Variants in SCHIP1 observed in about 807,000 individuals in gnomAD.
The protein encoded by SCHIP1 is schwannomin interacting protein 1, also known as schwannomin-interacting protein 1.
In SCHIP1, 8 loss-of-function variants were observed where a neutral mutation model predicts 29.7. That is an observed-to-expected ratio of 0.27 (90% CI 0.16 to 0.49). The LOEUF (loss-of-function observed/expected upper bound fraction) is 0.49, where lower values mean the gene tolerates loss of function less well. SCHIP1 is among the 20% of genes least tolerant of loss of function. SCHIP1 has a pLI of 0.99. For synonymous variants in SCHIP1, 76 were observed against 94.9 expected (o/e 0.80, Z 1.16); for missense variants, 193 against 294.6 (o/e 0.66, Z 2.52).
chr3:159,299,381 A>G, the SCHIP1 span, among the ~76,000 whole-genome samples: 3 of 152,150 alleles, frequency 2.0e-5, no homozygotes, highest in Non-Finnish European at 4.4e-5. Context: ...TGCTGGTTTG[A>G]GTAATGGAAT....
chr3:159,764,788 A>G, the SCHIP1 span: 1,429 of 1,566,200 alleles, frequency 9.1e-4, 2 homozygotes, highest in Non-Finnish European at 1.2e-3. This position sits in a 1 kb window ranked among gnomAD's most constrained non-coding sequence, Gnocchi z 6.1. Flanking sequence ...CGGCGGGGGC[A>G]GGAGCGCCAC....
chr3:159,372,310 C>T, the SCHIP1 span, among the ~76,000 whole-genome samples: 2 of 151,954 alleles, frequency 1.3e-5, no homozygotes, highest in East Asian at 1.9e-4. Context: ...AAAATAAAGA[C>T]CTTCAATTTC....
At chr3:159,484,065 C>T in the SCHIP1 span, among the ~76,000 whole-genome samples, 1 of 152,156 alleles carries the variant, frequency 6.6e-6, no homozygotes, top group African/African-American at 2.4e-5. Flanking sequence ...AGAGGCATTG[C>T]TTTCTCCTGC....
chr3:159,532,737 T>C, the SCHIP1 span, among the ~76,000 whole-genome samples: 4 of 152,276 alleles, frequency 2.6e-5, no homozygotes, highest in East Asian at 7.7e-4. Flanking sequence ...ACACTGCCTA[T>C]AGGAAATGCC....
the SCHIP1 span, among the ~76,000 whole-genome samples, chr3:159,662,026 C>T: frequency 2.6e-5 from 4 of 152,210 alleles, no homozygotes; most frequent in Non-Finnish European, 5.9e-5. Context: ...CCTGCTCCAT[C>T]CTGACTCATC....
At chr3:159,315,603 A>G in the SCHIP1 span, among the ~76,000 whole-genome samples, 1,308 of 152,160 alleles carry the variant, frequency 8.6e-3, 65 homozygotes, top group East Asian at 0.16. Flanking sequence ...TATATACTTT[A>G]TCATTTTAGA....
chr3:159,702,415 A>G, the SCHIP1 span, among the ~76,000 whole-genome samples: 2 of 152,222 alleles, frequency 1.3e-5, no homozygotes, highest in Non-Finnish European at 2.9e-5. Flanking sequence ...TAATATTCCT[A>G]ATACCCCAAG....
the SCHIP1 span, among the ~76,000 whole-genome samples, chr3:159,449,801 A>T: frequency 1.7e-3 from 254 of 152,302 alleles, 1 homozygote; most frequent in African/African-American, 5.6e-3. Context: ...TTGAACTTCA[A>T]TTTCCAAGTC....
chr3:159,697,936 A>C, the SCHIP1 span, among the ~76,000 whole-genome samples: 1 of 152,258 alleles, frequency 6.6e-6, no homozygotes, highest in South Asian at 2.1e-4. Context: ...TTGTCTATGC[A>C]TAATAATTAG....
chr3:159,487,191 A>G, the SCHIP1 span, among the ~76,000 whole-genome samples: 3 of 152,302 alleles, frequency 2.0e-5, no homozygotes, highest in Non-Finnish European at 4.4e-5. Context: ...TGGGTGTGCA[A>G]TTGAGAGAAG....
At chr3:159,611,793 G>A in the SCHIP1 span, among the ~76,000 whole-genome samples, 1 of 152,084 alleles carries the variant, frequency 6.6e-6, no homozygotes, top group Non-Finnish European at 1.5e-5. Flanking sequence ...GCAGTGAACT[G>A]AAGAAGATGC....
chr3:159,890,050 T>C (rs1436783143), intron 5 of SCHIP1, among the ~76,000 whole-genome samples: 4 of 149,856 alleles, frequency 2.7e-5, no homozygotes, highest in African/African-American at 9.9e-5. Flanking sequence ...AGCCGAGATC[T>C]CGCCACTGCA....
chr3:159,367,268 TG>T, the SCHIP1 span, among the ~76,000 whole-genome samples: 1 of 152,136 alleles, frequency 6.6e-6, no homozygotes, highest in East Asian at 1.9e-4. Context: ...GGCGCATGCC[TG>T]TAATCCCAGC....
At chr3:159,414,217 CTGGTAACAT>C in the SCHIP1 span, among the ~76,000 whole-genome samples, 66 of 152,270 alleles carry the variant, frequency 4.3e-4, no homozygotes, top group African/African-American at 1.5e-3. Flanking sequence ...AGAACCAGGA[CTGGTAACAT>C]TTGGAAAGCT....
the SCHIP1 span, among the ~76,000 whole-genome samples, chr3:159,762,291 T>C: frequency 3.9e-5 from 6 of 152,170 alleles, no homozygotes; most frequent in Non-Finnish European, 8.8e-5. Flanking sequence ...ATTCCTAAGA[T>C]TGCTGCTTCC....
At chr3:159,675,000 G>C in the SCHIP1 span, among the ~76,000 whole-genome samples, 2 of 152,212 alleles carry the variant, frequency 1.3e-5, no homozygotes, top group African/African-American at 4.8e-5. Context: ...GGACCAGGAA[G>C]GCTCAGAAAG....
the SCHIP1 span, among the ~76,000 whole-genome samples, chr3:159,629,189 A>G: frequency 6.6e-6 from 1 of 152,104 alleles, no homozygotes; most frequent in Non-Finnish European, 1.5e-5. Context: ...TCTCTTAAGA[A>G]GACATTGAGA....
At chr3:159,448,370 C>G in the SCHIP1 span, among the ~76,000 whole-genome samples, 1 of 152,090 alleles carries the variant, frequency 6.6e-6, no homozygotes, top group Non-Finnish European at 1.5e-5. Context: ...ACTCAGGAGG[C>G]TGAGGCAGGA....
At chr3:159,486,649 G>A in the SCHIP1 span, among the ~76,000 whole-genome samples, 1 of 152,194 alleles carries the variant, frequency 6.6e-6, no homozygotes, top group Non-Finnish European at 1.5e-5. Flanking sequence ...ATATGTTTCT[G>A]CAGCAAATAT....
Sources: allele counts gnomAD v4.1 joint callset (sites outside exome capture counted in the v4.1 genomes callset), GRCh38; gene constraint gnomAD v4.1.1; non-coding constraint Gnocchi (gnomAD v3.1); transcripts MANE v1.5; gene names NCBI Gene and HGNC (gene_info 2026-07-23, HGNC 2026-07-21).